TACC1: variants seen among roughly 807,000 people sequenced by gnomAD.
TACC1 encodes transforming acidic coiled-coil-containing protein 1.
Under a neutral mutation model 84.4 loss-of-function variants are expected in TACC1, and 48 were observed. That is an observed-to-expected ratio of 0.57 (90% confidence interval 0.45 to 0.72). The LOEUF is 0.72. Ranked by LOEUF, TACC1 falls within the 30% of genes least tolerant of loss-of-function variation. The probability of loss-of-function intolerance (pLI) is 0.00; values close to 1 mark genes in which losing one functional copy is unlikely to be tolerated. For missense variants in TACC1, 920 were observed against 973.0 expected (o/e 0.95, Z 0.72); for synonymous variants, 372 against 376.3 (o/e 0.99, Z 0.13).
intron 5 of TACC1, chr8:38,827,734 A>C (rs1469122622): frequency 4.0e-6 from 1 of 252,934 alleles, no homozygotes; most frequent in Admixed American, 5.1e-5. Flanking sequence ...TAGGAAAAAG[A>C]GGTTTATTTG....
chr8:38,848,021 T>G lies in TACC1; in HGVS notation c.2416T>G (p.Ter806GlyextTer38). 1 of 1,613,644 alleles carries G rather than the reference T, an allele frequency of 6.2e-7. No homozygotes were observed. The highest frequency in any genetic ancestry group is 8.5e-7 in the Non-Finnish European group (1 of 1,179,710). ...GATTGCAAAGCTGGGAAAGACTGAC[T>G]GAGACACTCCCCCTGTTAGCTCAAC... Reference protein sequence around the residue: ...ELIAKLGKTD* With the variant: ...ELIAKLGKTDG Residue 806 changes from the stop codon to glycine (G), a stop_lost, in exon 13 of 13, where the codon TGA (stop) becomes GGA (glycine). Transcript: ENST00000317827.
intron 1 of TACC1, among the ~76,000 whole-genome samples, chr8:38,734,565 C>A (rs780731546): frequency 6.6e-6 from 1 of 152,170 alleles, no homozygotes. Flanking sequence ...AAAGCAGACA[C>A]GATACAGAAC....
chr8:38,787,771 G>A (rs1299063559), intron 1 of TACC1, 28 bp downstream of exon 1: 24 of 1,492,506 alleles, frequency 1.6e-5, no homozygotes, highest in Admixed American at 7.5e-5. Context: ...CCGCTGAGAT[G>A]CAGACGCGCT....
chr8:38,734,203 G>GT (rs1282153715), intron 1 of TACC1, among the ~76,000 whole-genome samples: 2 of 152,014 alleles, frequency 1.3e-5, no homozygotes, highest in Non-Finnish European at 2.9e-5. Context: ...TTGTTTGTTT[G>GT]TTTTTTCTAG....
chr8:38,808,115 G>A (rs1176713402), intron 2 of TACC1, among the ~76,000 whole-genome samples: 1 of 152,208 alleles, frequency 6.6e-6, no homozygotes. Context: ...TATTCACCAA[G>A]CCGCCAGGCA....
At chr8:38,811,184 A>G (rs931754052) in intron 2 of TACC1, among the ~76,000 whole-genome samples, 2 of 152,062 alleles carry the variant, frequency 1.3e-5, no homozygotes, top group Admixed American at 6.6e-5. Context: ...GAAATATGGA[A>G]TGATTAAAAA....
intron 3 of TACC1, among the ~76,000 whole-genome samples, chr8:38,752,560 G>A (rs1024264764): frequency 3.9e-5 from 6 of 152,074 alleles, no homozygotes; most frequent in Admixed American, 2.6e-4. Flanking sequence ...TGTTATGTGC[G>A]AGTGGAAACC....
intron 3 of TACC1, among the ~76,000 whole-genome samples, chr8:38,773,822 G>A (rs1814216638): frequency 6.6e-6 from 1 of 152,102 alleles, no homozygotes; most frequent in South Asian, 2.1e-4. Context: ...AATTCCAGAT[G>A]TAAAAAGTAC....
At position 38,841,744 on chromosome 8, in the gene TACC1, T is replaced by C. The variant is rs745597011; in HGVS notation, c.1961-543T>C. On this transcript the variant is annotated intron_variant, in intron 9 of 12. Transcript: ENST00000317827. ...CTGTGTTTTGGTGCAGGGTTCTTAC[T>C]CTAGTGCAGATTGTAATTTCTCTGC... 1.8e-4 allele frequency among the ~76,000 whole-genome samples: 27 copies of C among 152,298 alleles called. No individual in the cohort carries two copies. In the South Asian group the frequency reaches 3.1e-3, roughly 18 times the overall value.
rs1204579290 is a variant in TACC1, at chr8:38,852,263, T to C, written c.*4240T>C. 8.1e-6 allele frequency: 2 copies of C among 247,710 alleles called. No homozygotes were observed. Among genetic ancestry groups the C allele is most frequent in the Non-Finnish European group, 1.7e-5 (2 of 121,110 alleles). The allele number at this position is 247,710 out of a possible 1,614,324, so 15.3% of individuals were successfully genotyped here. ...CTATAATATGGTTACAGCTATTATA[T>C]AAATATATATTCTGGTTATAGTTCT... On this transcript the variant is annotated 3_prime_UTR_variant, in exon 13 of 13. Transcript: ENST00000317827.
intron 2 of TACC1, among the ~76,000 whole-genome samples, chr8:38,795,788 A>G (rs1006183637): frequency 2.0e-5 from 3 of 152,236 alleles, no homozygotes; most frequent in Non-Finnish European, 4.4e-5. Flanking sequence ...TGTGAGTTCA[A>G]GATCTCACCC....
chr8:38,825,104 G>GT (rs1160331007), intron 3 of TACC1, among the ~76,000 whole-genome samples: 1 of 152,190 alleles, frequency 6.6e-6, no homozygotes, highest in Non-Finnish European at 1.5e-5. Flanking sequence ...AGCCCCGCTT[G>GT]TAGGTCTTTG....
chr8:38,743,179 G>A (rs748526278), intron 2 of TACC1, among the ~76,000 whole-genome samples: 1 of 152,068 alleles, frequency 6.6e-6, no homozygotes, highest in Non-Finnish European at 1.5e-5. Flanking sequence ...TTTGCAAGAC[G>A]TTCATCCTGA....
chr8:38,740,848 G>A (rs1806919621), intron 1 of TACC1, among the ~76,000 whole-genome samples: 1 of 152,144 alleles, frequency 6.6e-6, no homozygotes, highest in Non-Finnish European at 1.5e-5. Context: ...AGACCTCTTG[G>A]AGAAAGCATG....
At chr8:38,839,242 C>T (rs113084947) in intron 8 of TACC1, 4,902 of 385,916 alleles carry the variant, frequency 0.013, 153 homozygotes, top group African/African-American at 0.075. Flanking sequence ...TACATAACCA[C>T]CAAATAGATG....
At chr8:38,811,115 C>G (rs993369024) in intron 2 of TACC1, among the ~76,000 whole-genome samples, 6 of 151,480 alleles carry the variant, frequency 4.0e-5, no homozygotes, top group Non-Finnish European at 7.4e-5. Context: ...GAGACCCTGT[C>G]TCTAAAATAA....
At chr8:38,805,895 T>G (rs1822578798) in intron 2 of TACC1, among the ~76,000 whole-genome samples, 2 of 152,222 alleles carry the variant, frequency 1.3e-5, no homozygotes, top group Non-Finnish European at 2.9e-5. Flanking sequence ...CCTTCCAAAT[T>G]TGTGGCATCC....
rs748195484 is a variant in TACC1, at chr8:38,819,850, G to A, written c.606G>A (p.Gly202=). Reference sequence around the variant, plus strand: ...AGGCGATGACAGAAGGCAGCATGGGGGTCACCCTCGAGGCCTCCGCAGAAG... The same window carrying A: ...AGGCGATGACAGAAGGCAGCATGGGAGTCACCCTCGAGGCCTCCGCAGAAG... ...QDEAMTEGSM[G]VTLEASAEAD... is the part of the protein sequence containing the mutation. Residue 202 remains glycine, a synonymous_variant, in exon 3 of 13, where the codon GGG becomes GGA. Coordinates refer to ENST00000317827, the MANE Select transcript of TACC1 (RefSeq NM_006283.3). The A allele has an allele frequency of 3.1e-6, 5 of 1,613,916 alleles. No individual in the cohort carries two copies. In the South Asian group the frequency reaches 5.5e-5, roughly 18 times the overall value.
At chr8:38,772,386 G>T (rs1813811539) in intron 3 of TACC1, among the ~76,000 whole-genome samples, 1 of 152,240 alleles carries the variant, frequency 6.6e-6, no homozygotes, top group African/African-American at 2.4e-5. Context: ...TGTGTGAAAA[G>T]AAATTTAAGT....
Sources: gnomAD v4.1 joint callset for allele counts (sites outside exome capture counted in the v4.1 genomes callset) on GRCh38, gnomAD v4.1.1 for gene constraint, MANE v1.5 for transcripts, NCBI Gene and HGNC (gene_info 2026-07-23, HGNC 2026-07-21) for gene names.